EIPR1: variants seen among roughly 807,000 people sequenced by gnomAD.
The protein encoded by EIPR1 is EARP complex and GARP complex interacting protein 1.
EIPR1 carries 25 observed loss-of-function variants against 48.1 expected under a neutral mutation model. The observed-to-expected ratio is 0.52, with a 90% CI of 0.38 to 0.73. The LOEUF is 0.73. EIPR1 is among the 30% of genes least tolerant of loss of function. The probability of loss-of-function intolerance (pLI) is 0.00; values close to 1 mark genes in which losing one functional copy is unlikely to be tolerated. For synonymous variants in EIPR1, 204 were observed against 201.9 expected (o/e 1.01, Z -0.09); for missense variants, 415 against 506.2 (o/e 0.82, Z 1.73).
chr2:3,199,652 G>A (rs1047002791), intron 5 of EIPR1, among the ~76,000 whole-genome samples: 4 of 152,140 alleles, frequency 2.6e-5, no homozygotes, highest in African/African-American at 9.7e-5. Context: ...AGCAGCTATG[G>A]GGGGCGTGTC....
At chr2:3,223,884 A>G (rs1252134497) in intron 4 of EIPR1, among the ~76,000 whole-genome samples, 2 of 152,092 alleles carry the variant, frequency 1.3e-5, no homozygotes, top group East Asian at 1.9e-4. Context: ...TGTGACCCCT[A>G]AACTCCCCAT....
intron 1 of EIPR1, among the ~76,000 whole-genome samples, chr2:3,374,132 G>T (rs1408245902): frequency 2.2e-4 from 31 of 142,780 alleles, no homozygotes; most frequent in South Asian, 6.8e-4. Flanking sequence ...ATGGGGAAAG[G>T]ATTCCCTATT....
chr2:3,318,512 C>T (rs567793770), intron 3 of EIPR1, among the ~76,000 whole-genome samples: 1 of 152,150 alleles, frequency 6.6e-6, no homozygotes, highest in Non-Finnish European at 1.5e-5. Flanking sequence ...ATGATACAAA[C>T]GGGATCTGAA....
rs189990498 is a variant in EIPR1 at position 3,304,131 on chromosome 2, G to A, written c.259+33886C>T. ...AAGGGCTGGAAACGCCCAGGCACGC[G>A]GACAGGCAGCGGTGAAGCCACAGAG... On this transcript the variant is annotated intron_variant, in intron 3 of 8. Transcript: ENST00000382125. Among the ~76,000 whole-genome samples, 8 of 152,296 alleles carry A rather than the reference G, an allele frequency of 5.3e-5. No individual in the cohort carries two copies. In the East Asian group the frequency reaches 1.5e-3, roughly 29 times the overall value.
At chr2:3,266,645 AG>A (rs921883833) in intron 3 of EIPR1, among the ~76,000 whole-genome samples, 8 of 152,216 alleles carry the variant, frequency 5.3e-5, no homozygotes, top group Non-Finnish European at 7.3e-5. Flanking sequence ...AGGTGGTGCC[AG>A]CATCACAACA....
intron 3 of EIPR1, among the ~76,000 whole-genome samples, chr2:3,331,050 G>T (rs1669881840): frequency 6.7e-6 from 1 of 148,392 alleles, no homozygotes; most frequent in African/African-American, 2.5e-5. Flanking sequence ...GTACACTCAT[G>T]AGACACATGA....
chr2:3,372,485 C>G (rs1659700141), intron 1 of EIPR1, among the ~76,000 whole-genome samples: 1 of 151,660 alleles, frequency 6.6e-6, no homozygotes. Flanking sequence ...AGACCGCTAG[C>G]AAGACTAATA....
intron 3 of EIPR1, among the ~76,000 whole-genome samples, chr2:3,294,659 AC>A (rs1668480758): frequency 2.7e-5 from 2 of 75,170 alleles, no homozygotes; most frequent in African/African-American, 5.5e-5. Flanking sequence ...CCAAACACAC[AC>A]CCTCCATCCA....
At chr2:3,274,345 C>T (rs1241080901) in intron 3 of EIPR1, 1 of 1,550,360 alleles carries the variant, frequency 6.5e-7, no homozygotes, top group Non-Finnish European at 8.7e-7. Context: ...TTACAGGTTG[C>T]CAGTGCTATG....
intron 2 of EIPR1, among the ~76,000 whole-genome samples, chr2:3,342,115 A>T (rs977277166): frequency 3.3e-5 from 5 of 152,200 alleles, no homozygotes; most frequent in African/African-American, 1.2e-4. Flanking sequence ...CAATAATTTG[A>T]TTTTGTGAAA....
At chr2:3,350,921 A>C (rs1433583882) in intron 2 of EIPR1, among the ~76,000 whole-genome samples, 1 of 147,664 alleles carries the variant, frequency 6.8e-6, no homozygotes, top group African/African-American at 2.5e-5. Flanking sequence ...TCTTTAAAAT[A>C]ATTAATTGAA....
intron 1 of EIPR1, 64 bp downstream of exon 1, chr2:3,377,584 A>G: frequency 6.5e-7 from 1 of 1,547,792 alleles, no homozygotes; most frequent in Non-Finnish European, 8.7e-7. Context: ...CGAAGTCACC[A>G]TGGGACCGCG....
chr2:3,293,216 C>A (rs893845529), intron 3 of EIPR1, among the ~76,000 whole-genome samples: 1 of 152,198 alleles, frequency 6.6e-6, no homozygotes, highest in Non-Finnish European at 1.5e-5. Context: ...AGATGAGGGC[C>A]TCCCCTTGAG....
chr2:3,244,019 TG>T (rs1230208388), intron 4 of EIPR1, among the ~76,000 whole-genome samples: 1 of 152,218 alleles, frequency 6.6e-6, no homozygotes, highest in Admixed American at 6.5e-5. Context: ...CGGGTTCACA[TG>T]GTGTCTCCTC....
At chr2:3,295,924 CA>C (rs1668564674) in intron 3 of EIPR1, among the ~76,000 whole-genome samples, 2 of 129,420 alleles carry the variant, frequency 1.5e-5, no homozygotes, top group Non-Finnish European at 3.3e-5. Flanking sequence ...CCATCCAGCC[CA>C]TCCTCTCCTT....
At chr2:3,196,010 C>T (rs7569584) in intron 6 of EIPR1, among the ~76,000 whole-genome samples, 200 of 152,282 alleles carry the variant, frequency 1.3e-3, no homozygotes, top group African/African-American at 4.5e-3. Context: ...ACAAAGGACA[C>T]GATGACCACA....
chr2:3,361,681 C>T (rs77999058), intron 1 of EIPR1, among the ~76,000 whole-genome samples: 3,898 of 151,938 alleles, frequency 0.026, 60 homozygotes, highest in Middle Eastern at 0.034. Flanking sequence ...ACCCAACAGC[C>T]GCCTCCAGCC....
chr2:3,346,180 A>T (rs1030171333), intron 2 of EIPR1, among the ~76,000 whole-genome samples: 1 of 152,230 alleles, frequency 6.6e-6, no homozygotes, highest in Admixed American at 6.5e-5. Context: ...AGCAGGGCCC[A>T]TGGGAGATTC....
chr2:3,329,396 T>C (rs7588495), intron 3 of EIPR1, among the ~76,000 whole-genome samples: 1 of 146,388 alleles, frequency 6.8e-6, no homozygotes, highest in East Asian at 2.1e-4. Context: ...CCTACCACAC[T>C]CTAATGATCT....
Sources: allele counts gnomAD v4.1 joint callset (sites outside exome capture counted in the v4.1 genomes callset), GRCh38; gene constraint gnomAD v4.1.1; transcripts MANE v1.5; gene names NCBI Gene and HGNC (gene_info 2026-07-23, HGNC 2026-07-21).